Variants in PLVAP observed in about 807,000 individuals in gnomAD.
The protein encoded by PLVAP is plasmalemma vesicle associated protein, also known as plasmalemma vesicle-associated protein.
PLVAP carries 34 observed loss-of-function variants against 43.1 expected under a neutral mutation model. The ratio of observed to expected loss-of-function variants is 0.79; its 90% CI spans 0.60 to 1.05. PLVAP has a LOEUF of 1.05. PLVAP is among the 50% of genes least tolerant of loss of function. The pLI is 0.00. For synonymous variants in PLVAP, 241 were observed against 237.3 expected, an observed-to-expected ratio of 1.02 and a Z score of -0.14; for missense variants, 574 against 593.4, an observed-to-expected ratio of 0.97 and a Z score of 0.34.
intron 1 of PLVAP, among the ~76,000 whole-genome samples, chr19:17,375,025 T>C (rs923187515): frequency 6.6e-6 from 1 of 152,144 alleles, no homozygotes; most frequent in Non-Finnish European, 1.5e-5. Flanking sequence ...TTTCACTAGG[T>C]TGGCCAGGCT....
intron 5 of PLVAP, among the ~76,000 whole-genome samples, chr19:17,359,681 C>T (rs532283257): frequency 3.5e-5 from 5 of 143,788 alleles, no homozygotes; most frequent in South Asian, 4.5e-4. Flanking sequence ...CGTAAGCCAC[C>T]GTACCCGGCC....
intron 3 of PLVAP, among the ~76,000 whole-genome samples, chr19:17,361,656 G>C (rs2074528850): frequency 6.6e-6 from 1 of 152,154 alleles, no homozygotes; most frequent in South Asian, 2.1e-4. Context: ...AACGTGAAAA[G>C]TCAATCTCCC....
chr19:17,351,879 G>T lies in PLVAP; in HGVS notation c.*483C>A, dbSNP rs2074486725. The stretch of plus-strand genomic sequence containing the variant: ...TCTATAGGTGTCGTTGTCATGGTGT[G>T]TGTTGTCACTGTGTCTGTGTGTGAC... On this transcript the variant is annotated 3_prime_UTR_variant, in exon 6 of 6. Coordinates refer to ENST00000252590, the MANE Select transcript of PLVAP (RefSeq NM_031310.3). 5.6e-6 allele frequency: 1 copy of T among 180,120 alleles called. No individual in the cohort carries two copies. The highest frequency in any genetic ancestry group is 1.2e-5 in the Non-Finnish European group (1 of 84,800). 11.2% of individuals were successfully genotyped at this position (180,120 alleles called of 1,614,324 possible).
At chr19:17,362,897 C>A (rs923405189) in intron 3 of PLVAP, 38 of 152,198 alleles carry the variant, frequency 2.5e-4, no homozygotes, top group African/African-American at 8.9e-4. Context: ...TCAACTCTTC[C>A]TCTAGGCATC....
Position 17,374,978 on chromosome 19 carries a change from C to A in PLVAP, c.369+1942G>T, listed in dbSNP as rs112631035. On this transcript the variant is annotated intron_variant, in intron 1 of 5. Coordinates refer to ENST00000252590, the MANE Select transcript of PLVAP (RefSeq NM_031310.3). Reference sequence around the variant, plus strand: ...GGACTACAGGCACATACCACCATACCCGGCTAATAATTTTTGTATTTTTAG... The same window carrying A: ...GGACTACAGGCACATACCACCATACACGGCTAATAATTTTTGTATTTTTAG... Among the ~76,000 whole-genome samples, 1,073 of 152,102 alleles carry A rather than the reference C, an allele frequency of 7.1e-3. 15 individuals are homozygous for A. The highest frequency in any genetic ancestry group is 0.025 in the African/African-American group (1,020 of 41,506).
In PLVAP at chr19:17,368,064, ATTTTTTTTTTT is replaced by A. The variant is rs34115667; in HGVS notation, c.370-1880_370-1870del. On this transcript the variant is annotated intron_variant, in intron 1 of 5. Transcript: ENST00000252590. The stretch of plus-strand genomic sequence containing the variant: ...AGGGGCCCACCACCCTGCCCGGCTA[ATTTTTTTTTTT>A]TTTTTTTTTTTTTGAGACGGAGTTT... Among the ~76,000 whole-genome samples the A allele has an allele frequency of 6.6e-5, 5 of 76,032 alleles. No individual in the cohort carries two copies. In the East Asian group the frequency reaches 1.3e-3, roughly 21 times the overall value. The allele number at this position is 76,032 out of a possible 152,430, so 49.9% of individuals were successfully genotyped here. A position where few individuals can be genotyped will look rare whatever the true frequency, so the allele number is the denominator to read the frequency against.
intron 5 of PLVAP, among the ~76,000 whole-genome samples, chr19:17,355,185 G>C (rs2074501472): frequency 6.8e-6 from 1 of 147,566 alleles, no homozygotes; most frequent in Admixed American, 6.8e-5. Context: ...GATCACACCA[G>C]TGTACTCCAG....
At chr19:17,361,932 A>AT (rs935892272) in intron 3 of PLVAP, among the ~76,000 whole-genome samples, 1 of 150,742 alleles carries the variant, frequency 6.6e-6, no homozygotes, top group African/African-American at 2.5e-5. Context: ...ATAAAAAAAA[A>AT]AAAATCAGCC....
At position 17,377,037 on chromosome 19, in the gene PLVAP, C is replaced by A; in HGVS notation, c.252G>T (p.Leu84Phe). The change falls in exon 1 of 6, where the codon TTG becomes TTT. Residue 84 changes from leucine (L) to phenylalanine (F), a missense_variant. Transcript: ENST00000252590. ...LLGLTASQSN[L>F]TKELNFTTRA... Reference sequence around the variant, plus strand: ...GGGTGGTGAAGTTGAGCTCCTTGGTCAAGTTGGACTGGGAGGCCGTGAGCC... The same window carrying A: ...GGGTGGTGAAGTTGAGCTCCTTGGTAAAGTTGGACTGGGAGGCCGTGAGCC... 6.2e-7 allele frequency: 1 copy of A among 1,614,036 alleles called. No individual in the cohort carries two copies. The highest frequency in any genetic ancestry group is 1.1e-5 in the South Asian group (1 of 91,044).
At chr19:17,370,873 G>A (rs1333789149) in intron 1 of PLVAP, among the ~76,000 whole-genome samples, 1 of 151,846 alleles carries the variant, frequency 6.6e-6, no homozygotes, top group African/African-American at 2.4e-5. Flanking sequence ...TGGCTAACAC[G>A]GTGAAACCCC....
At chr19:17,356,024 A>G (rs2074505278) in intron 5 of PLVAP, among the ~76,000 whole-genome samples, 2 of 152,156 alleles carry the variant, frequency 1.3e-5, no homozygotes, top group Admixed American at 6.6e-5. Flanking sequence ...AAAATTTTCC[A>G]TAGGCCGGGC....
At chr19:17,369,052 C>T (rs1267832341) in intron 1 of PLVAP, among the ~76,000 whole-genome samples, 2 of 152,174 alleles carry the variant, frequency 1.3e-5, no homozygotes, top group African/African-American at 4.8e-5. Context: ...GAACCAACCC[C>T]GCTAACACTT....
Position 17,352,054 on chromosome 19 carries a change from G to A in PLVAP, c.*308C>T, listed in dbSNP as rs2074487902. 1 of 449,344 alleles carries A rather than the reference G, an allele frequency of 2.2e-6. No homozygotes were observed. Among genetic ancestry groups the A allele is most frequent in the Admixed American group, 3.5e-5 (1 of 28,900 alleles). 27.8% of individuals were successfully genotyped at this position (449,344 alleles called of 1,614,324 possible). On this transcript the variant is annotated 3_prime_UTR_variant, in exon 6 of 6. Transcript: ENST00000252590. The stretch of plus-strand genomic sequence containing the variant: ...GTGCGACGTGCTGCATCTGCACGAC[G>A]CCATCGCTATATCTCTTCGTGACGT...
chr19:17,360,499 GAAC>G (rs764006355), intron 5 of PLVAP, 26 bp downstream of exon 5: 2 of 1,603,636 alleles, frequency 1.2e-6, no homozygotes, highest in South Asian at 1.1e-5. Flanking sequence ...TTCTAAGACT[GAAC>G]AACTGCAGTC....
chr19:17,352,263 C>CCGGGGGGGGGGGGGGGGG lies in PLVAP; in HGVS notation c.*98_*99insCCCCCCCCCCCCCCCCCG. Reference sequence around the variant, plus strand: ...GATGGTGGCCCTGGGTGGTTGGGGGCGGCGGGAGGGGGTTGTGTCGGGCGC... The same window carrying CCGGGGGGGGGGGGGGGGG: ...GATGGTGGCCCTGGGTGGTTGGGGGCCGGGGGGGGGGGGGGGGGGGCGGGAGGGGGTTGTGTCGGGCGC... On this transcript the variant is annotated 3_prime_UTR_variant, in exon 6 of 6. Transcript: ENST00000252590. The CCGGGGGGGGGGGGGGGGG allele has an allele frequency of 9.2e-7, 1 of 1,084,426 alleles. No homozygotes were observed. The highest frequency in any genetic ancestry group is 3.1e-5 in the African/African-American group (1 of 32,786). 67.2% of individuals were successfully genotyped at this position (1,084,426 alleles called of 1,614,324 possible). A position where few individuals can be genotyped will look rare whatever the true frequency, so the allele number is the denominator to read the frequency against.
intron 5 of PLVAP, among the ~76,000 whole-genome samples, chr19:17,358,267 G>GAA (rs71336606): frequency 0.11 from 14,439 of 128,068 alleles, 1,680 homozygotes; most frequent in African/African-American, 0.29. Context: ...ATGCAAGAAG[G>GAA]AAAAAAAAAA....
chr19:17,376,515 C>T (rs780078142), intron 1 of PLVAP, among the ~76,000 whole-genome samples: 3 of 151,780 alleles, frequency 2.0e-5, no homozygotes, highest in Non-Finnish European at 2.9e-5. Flanking sequence ...AAAAATCTAT[C>T]GGCCGGGTGC....
At chr19:17,356,404 C>T (rs1196304216) in intron 5 of PLVAP, among the ~76,000 whole-genome samples, 3 of 152,162 alleles carry the variant, frequency 2.0e-5, no homozygotes, top group Non-Finnish European at 4.4e-5. Flanking sequence ...TTTGGGAACA[C>T]GGGAGATGCG....
At chr19:17,373,252 G>A (rs1223223641) in intron 1 of PLVAP, among the ~76,000 whole-genome samples, 3 of 151,802 alleles carry the variant, frequency 2.0e-5, no homozygotes, top group Non-Finnish European at 4.4e-5. Context: ...ATCTTGGGGG[G>A]CTGAGGTGAG....
Sources: gnomAD v4.1 joint callset for allele counts (sites outside exome capture counted in the v4.1 genomes callset) on GRCh38, gnomAD v4.1.1 for gene constraint, MANE v1.5 for transcripts, NCBI Gene and HGNC (gene_info 2026-07-23, HGNC 2026-07-21) for gene names.